The following USP42 variants were observed in gnomAD, a reference collection of about 807,000 sequenced individuals.
USP42 encodes ubiquitin specific peptidase 42, also known as ubiquitin carboxyl-terminal hydrolase 42.
Under a neutral mutation model 113.0 loss-of-function variants are expected in USP42, and 23 were observed. That is an observed-to-expected ratio of 0.20 (90% CI 0.15 to 0.29). The LOEUF (loss-of-function observed/expected upper bound fraction) is 0.29, where lower values mean the gene tolerates loss of function less well. Ranked by LOEUF, USP42 falls within the 10% of genes least tolerant of loss-of-function variation. The pLI is 1.00. For synonymous variants in USP42, 933 were observed against 699.0 expected, an observed-to-expected ratio of 1.33 and a Z score of -5.28; for missense variants, 2,174 against 1,779.8, an observed-to-expected ratio of 1.22 and a Z score of -3.99.
At chr7:6,147,323 C>T (rs546574401) in intron 11 of USP42, among the ~76,000 whole-genome samples, 4 of 152,152 alleles carry the variant, frequency 2.6e-5, no homozygotes, top group East Asian at 3.9e-4. Context: ...ATGAGCCAGG[C>T]GTGGTGGTGC....
intron 3 of USP42, among the ~76,000 whole-genome samples, chr7:6,119,533 A>T (rs912320138): frequency 6.6e-6 from 1 of 152,226 alleles, no homozygotes; most frequent in Non-Finnish European, 1.5e-5. Context: ...TTTTCAAATG[A>T]ATTTTAGAAT....
Position 6,155,212 on chromosome 7 carries a change from G to C in USP42, c.3641+17G>C, listed in dbSNP as rs1724445971. 1 of 1,514,030 alleles carries C rather than the reference G, an allele frequency of 6.6e-7. No homozygotes were observed. The highest frequency in any genetic ancestry group is 8.8e-7 in the Non-Finnish European group (1 of 1,138,494). The allele number at this position is 1,514,030 out of a possible 1,614,324, so 93.8% of individuals were successfully genotyped here. ...CGACTCCAGGTGAGCCTGGGGCCTT[G>C]TGCTCCCCGAGGCGCTGGCGCTGCT... On this transcript the variant is annotated intron_variant, in intron 15 of 17. Transcript: ENST00000306177.
intron 1 of USP42, among the ~76,000 whole-genome samples, chr7:6,107,999 A>G (rs1353052629): frequency 6.6e-6 from 1 of 152,180 alleles, no homozygotes; most frequent in Non-Finnish European, 1.5e-5. Flanking sequence ...AGCCTGGCCA[A>G]CATAGTGAAA....
chr7:6,147,052 G>A (rs1781755182), intron 11 of USP42, among the ~76,000 whole-genome samples: 1 of 152,224 alleles, frequency 6.6e-6, no homozygotes, highest in Non-Finnish European at 1.5e-5. Context: ...TTTGATAGCT[G>A]AAAATCAAGA....
intron 1 of USP42, among the ~76,000 whole-genome samples, chr7:6,105,937 A>G (rs1779255601): frequency 2.0e-5 from 3 of 152,224 alleles, no homozygotes; most frequent in African/African-American, 7.2e-5. Flanking sequence ...ATACCCTGAC[A>G]GCAAAACTGT....
intron 1 of USP42, among the ~76,000 whole-genome samples, chr7:6,110,768 A>G (rs1224390788): frequency 6.6e-6 from 1 of 152,244 alleles, no homozygotes; most frequent in Non-Finnish European, 1.5e-5. Context: ...TTTAAGCAGT[A>G]TAGAAGGAAA....
chr7:6,091,978 TTTCTTCTTCTTCTTCTTC>T, the USP42 span, among the ~76,000 whole-genome samples: 66 of 67,920 alleles, frequency 9.7e-4, 3 homozygotes, highest in East Asian at 4.7e-3. Flanking sequence ...GGACGTATTT[TTTCTTCTTCTTCTTCTTC>T]TTCTTCTTCT....
chr7:6,132,695 G>A (rs1474974065), intron 3 of USP42, among the ~76,000 whole-genome samples: 1 of 143,282 alleles, frequency 7.0e-6, no homozygotes, highest in Non-Finnish European at 1.5e-5. Context: ...TTTTTGAGAC[G>A]GAGTTTTGCT....
chr7:6,095,768 G>A, the USP42 span, among the ~76,000 whole-genome samples: 1 of 150,858 alleles, frequency 6.6e-6, no homozygotes, highest in Middle Eastern at 3.2e-3. Flanking sequence ...TACTGGATGG[G>A]TATTTCGATT....
chr7:6,112,471 AAG>A (rs1012067960), intron 2 of USP42, among the ~76,000 whole-genome samples: 1 of 151,946 alleles, frequency 6.6e-6, no homozygotes, highest in Non-Finnish European at 1.5e-5. Context: ...AGAAAAAAAA[AAG>A]AGAGCATGTA....
chr7:6,097,814 T>A, the USP42 span, among the ~76,000 whole-genome samples: 3 of 150,184 alleles, frequency 2.0e-5, no homozygotes, highest in Admixed American at 6.6e-5. Context: ...ATGGTCTCGA[T>A]CTCCTGACCT....
intron 6 of USP42, 83 bp from the exon 7 acceptor site, chr7:6,140,831 A>C (rs778560975): frequency 9.7e-6 from 8 of 826,858 alleles, no homozygotes; most frequent in Non-Finnish European, 1.3e-5. Context: ...TTAAATTTCA[A>C]AATTGTATTT....
At chr7:6,136,917 A>G (rs1781182390) in intron 4 of USP42, among the ~76,000 whole-genome samples, 1 of 151,480 alleles carries the variant, frequency 6.6e-6, no homozygotes, top group Non-Finnish European at 1.5e-5. Context: ...GGGATTACAG[A>G]TGTGCACCAC....
At chr7:6,117,978 C>A (rs1025373631) in intron 3 of USP42, among the ~76,000 whole-genome samples, 1 of 152,016 alleles carries the variant, frequency 6.6e-6, no homozygotes, top group African/African-American at 2.4e-5. Flanking sequence ...CGATATAAGT[C>A]TTTTATTATG....
At chr7:6,083,367 T>C in the USP42 span, among the ~76,000 whole-genome samples, 7 of 150,418 alleles carry the variant, frequency 4.7e-5, 1 homozygote, top group South Asian at 1.0e-3. Flanking sequence ...GCAATTCTCC[T>C]GCCTCAGCCT....
chr7:6,090,013 T>C, the USP42 span, among the ~76,000 whole-genome samples: 1 of 144,496 alleles, frequency 6.9e-6, no homozygotes, highest in Non-Finnish European at 1.5e-5. Flanking sequence ...AAGATATATA[T>C]ATAGGGCCAG....
rs1583584457 is a variant in USP42, at chr7:6,114,645, T to C, written c.242-678T>C. ...TAAAATACGTGTGTGTGTATATATG[T>C]ATGTGTGTGTGTATATATATATATA... On this transcript the variant is annotated intron_variant, in intron 2 of 17. Transcript: ENST00000306177. 2.6e-5 allele frequency among the ~76,000 whole-genome samples: 3 copies of C among 117,432 alleles called. No homozygotes were observed. The Admixed American group carries it at 2.6e-4, about 10-fold the overall frequency. The allele number at this position is 117,432 out of a possible 152,430, so 77.0% of individuals were successfully genotyped here.
At position 6,135,584 on chromosome 7, in the gene USP42, C is replaced by T. The variant is rs368396415; in HGVS notation, c.443-257C>T. Among the ~76,000 whole-genome samples, 22 of 130,092 alleles carry T rather than the reference C, an allele frequency of 1.7e-4. No homozygotes were observed. The East Asian group carries it at 4.8e-3, about 28-fold the overall frequency. The allele number at this position is 130,092 out of a possible 152,430, so 85.3% of individuals were successfully genotyped here. ...GCAAATGGCTTGGACCCGGGGAGGC[C>T]GAGGTTGCAGTGAGCCAGGGTCACA... On this transcript the variant is annotated intron_variant, in intron 3 of 17. Coordinates refer to ENST00000306177, the MANE Select transcript of USP42 (RefSeq NM_032172.3).
chr7:6,108,437 A>G (rs913533870), intron 1 of USP42, among the ~76,000 whole-genome samples: 1 of 152,136 alleles, frequency 6.6e-6, no homozygotes, highest in African/African-American at 2.4e-5. Flanking sequence ...TGGGTATTTT[A>G]TTATCCCTAC....
Sources: allele counts gnomAD v4.1 joint callset (sites outside exome capture counted in the v4.1 genomes callset), GRCh38; gene constraint gnomAD v4.1.1; transcripts MANE v1.5; gene names NCBI Gene and HGNC (gene_info 2026-07-23, HGNC 2026-07-21).